The following MYO3B variants were observed in gnomAD, a reference collection of about 807,000 sequenced individuals.
The protein encoded by MYO3B is myosin IIIB.
Under a neutral mutation model 174.6 loss-of-function variants are expected in MYO3B, and 156 were observed. The ratio of observed to expected loss-of-function variants is 0.89; its 90% CI spans 0.78 to 1.02. The LOEUF (loss-of-function observed/expected upper bound fraction) is 1.02, where lower values mean the gene tolerates loss of function less well. Among genes scored for constraint, MYO3B ranks in the 50% least tolerant of loss-of-function variants. The pLI is 0.00. For missense variants in MYO3B, 1,632 were observed against 1,639.4 expected, an observed-to-expected ratio of 1.00 and a Z score of 0.08; for synonymous variants, 563 against 569.1, an observed-to-expected ratio of 0.99 and a Z score of 0.15.
At chr2:170,316,547 A>C (rs2093777032) in intron 7 of MYO3B, among the ~76,000 whole-genome samples, 1 of 152,226 alleles carries the variant, frequency 6.6e-6, no homozygotes, top group African/African-American at 2.4e-5. Flanking sequence ...GGAGGATGCC[A>C]TGCCACCTAT....
chr2:170,299,585 G>A (rs2093652440), intron 7 of MYO3B, among the ~76,000 whole-genome samples: 1 of 152,164 alleles, frequency 6.6e-6, no homozygotes, highest in South Asian at 2.1e-4. Flanking sequence ...GCCTGGTAGA[G>A]TATTATTAAT....
chr2:170,250,076 G>A (rs984069308), intron 7 of MYO3B, among the ~76,000 whole-genome samples: 1 of 152,172 alleles, frequency 6.6e-6, no homozygotes, highest in Non-Finnish European at 1.5e-5. Context: ...ACTATTGGAA[G>A]TATGGATTTA....
At chr2:170,613,542 A>G (rs1258706735) in intron 32 of MYO3B, among the ~76,000 whole-genome samples, 1 of 151,736 alleles carries the variant, frequency 6.6e-6, no homozygotes, top group Non-Finnish European at 1.5e-5. Flanking sequence ...GGCCTATAAC[A>G]CTCTCCCAAG....
chr2:170,288,079 A>C (rs868405236), intron 7 of MYO3B, among the ~76,000 whole-genome samples: 2 of 152,028 alleles, frequency 1.3e-5, no homozygotes, highest in Non-Finnish European at 1.5e-5. Context: ...CCATTTGTCT[A>C]TGTGTCCATT....
chr2:170,426,626 C>A (rs1445773975), intron 22 of MYO3B, among the ~76,000 whole-genome samples: 1 of 151,970 alleles, frequency 6.6e-6, no homozygotes, highest in Non-Finnish European at 1.5e-5. Flanking sequence ...GTAACTTTTT[C>A]TTTTCTTTAT....
chr2:170,432,150 A>AT (rs530740935), intron 22 of MYO3B, among the ~76,000 whole-genome samples: 10 of 151,350 alleles, frequency 6.6e-5, no homozygotes, highest in Non-Finnish European at 1.3e-4. Flanking sequence ...ACTCCTACTT[A>AT]TTTTTTTTTA....
intron 25 of MYO3B, among the ~76,000 whole-genome samples, chr2:170,492,066 A>T (rs554435176): frequency 1.1e-4 from 16 of 152,218 alleles, no homozygotes; most frequent in Non-Finnish European, 2.2e-4. Context: ...AAAAAAAAAA[A>T]AAAGATTTGT....
chr2:170,636,836 G>T (rs1697525385), intron 32 of MYO3B, among the ~76,000 whole-genome samples: 2 of 152,020 alleles, frequency 1.3e-5, no homozygotes, highest in South Asian at 4.2e-4. Context: ...CAGGGGTCAA[G>T]AGCTGAGGAC....
At chr2:170,398,154 C>T (rs779948433) in intron 16 of MYO3B, among the ~76,000 whole-genome samples, 3 of 135,548 alleles carry the variant, frequency 2.2e-5, no homozygotes, top group Admixed American at 8.3e-5. Flanking sequence ...ACCTGGGTGG[C>T]GGAGGTTTTA....
In MYO3B at chr2:170,384,441, G is replaced by T. The variant is rs2094358488; in HGVS notation, c.1290+627G>T. Among the ~76,000 whole-genome samples, 4 of 151,874 alleles carry T rather than the reference G, an allele frequency of 2.6e-5. No homozygotes were observed. The South Asian group carries it at 8.3e-4, about 32-fold the overall frequency. ...ATATTTTTCTTTGTTTCTTTATTCTGTTTGAAATAGAAGTAGTCTAATTTG... is the reference window on the plus strand; with the variant it reads ...ATATTTTTCTTTGTTTCTTTATTCTTTTTGAAATAGAAGTAGTCTAATTTG... On this transcript the variant is annotated intron_variant, in intron 12 of 34. Coordinates refer to ENST00000408978, the MANE Select transcript of MYO3B (RefSeq NM_138995.5).
In MYO3B at chr2:170,476,109, G is replaced by A. The variant is rs970324015; in HGVS notation, c.3014+9398G>A. Among the ~76,000 whole-genome samples, 17 of 152,128 alleles carry A rather than the reference G, an allele frequency of 1.1e-4. No homozygotes were observed. In the East Asian group the frequency reaches 1.2e-3, roughly 10 times the overall value. On this transcript the variant is annotated intron_variant, in intron 25 of 34. Transcript: ENST00000408978. Reference sequence around the variant, plus strand: ...AGGACATGCGACAAGGGTGTGGCTCGTCTGTTTGGTCACCACCACTGCTGA... The same window carrying A: ...AGGACATGCGACAAGGGTGTGGCTCATCTGTTTGGTCACCACCACTGCTGA...
Position 170,407,702 on chromosome 2 carries a change from A to G in MYO3B, c.2521-13A>G, listed in dbSNP as rs1225867435. On this transcript the variant is annotated splice_polypyrimidine_tract_variant and intron_variant, in intron 21 of 34. Transcript: ENST00000408978. ...TGACTTGGCTAATTTGCCGTTTGCT[A>G]TTCATGTTACAGGTATTATATGATG... is the stretch of plus-strand genomic sequence containing the variant. 1.2e-6 allele frequency: 2 copies of G among 1,613,366 alleles called. No individual in the cohort carries two copies. The highest frequency in any genetic ancestry group is 1.7e-6 in the Non-Finnish European group (2 of 1,179,602).
chr2:170,437,578 T>A (rs569037393), intron 22 of MYO3B, among the ~76,000 whole-genome samples: 1 of 152,332 alleles, frequency 6.6e-6, no homozygotes, highest in South Asian at 2.1e-4. Flanking sequence ...TACCATTAGA[T>A]GATACTTTTT....
At chr2:170,453,375 T>C (rs1683709720) in intron 23 of MYO3B, among the ~76,000 whole-genome samples, 1 of 148,736 alleles carries the variant, frequency 6.7e-6, no homozygotes, top group Non-Finnish European at 1.5e-5. Context: ...TAATCATACC[T>C]TTGCAGAAGA....
In MYO3B at chr2:170,391,509, T is replaced by A. The variant is rs540961220; in HGVS notation, c.1578-11T>A. On this transcript the variant is annotated splice_polypyrimidine_tract_variant and intron_variant, in intron 14 of 34. Coordinates refer to ENST00000408978, the MANE Select transcript of MYO3B (RefSeq NM_138995.5). The stretch of plus-strand genomic sequence containing the variant: ...AGAATATATTATTACTAAAGTCTCT[T>A]TTTTTTTCAGGAGAGAGAAAAATTT... 282 of 1,330,056 alleles carry A rather than the reference T, an allele frequency of 2.1e-4. No homozygotes were observed. The highest frequency in any genetic ancestry group is 6.1e-4 in the Admixed American group (24 of 39,542). 82.4% of individuals were successfully genotyped at this position (1,330,056 alleles called of 1,614,324 possible). A position where few individuals can be genotyped will look rare whatever the true frequency, so the allele number is the denominator to read the frequency against.
intron 8 of MYO3B, among the ~76,000 whole-genome samples, chr2:170,352,368 A>C (rs1319099617): frequency 6.6e-6 from 1 of 152,242 alleles, no homozygotes; most frequent in African/African-American, 2.4e-5. Flanking sequence ...ACTATAGAAA[A>C]ACAATGTCTA....
chr2:170,247,709 T>C (rs1210414196), intron 7 of MYO3B, among the ~76,000 whole-genome samples: 42 of 152,208 alleles, frequency 2.8e-4, no homozygotes, highest in Admixed American at 2.7e-3. Flanking sequence ...GGTAGCTTCT[T>C]GCTGTGTCTT....
At chr2:170,581,304 A>G (rs1212174212) in intron 32 of MYO3B, among the ~76,000 whole-genome samples, 1 of 152,238 alleles carries the variant, frequency 6.6e-6, no homozygotes, top group African/African-American at 2.4e-5. Context: ...TTTTTGGTGA[A>G]CTACGTATTC....
At chr2:170,286,589 T>C (rs992735822) in intron 7 of MYO3B, among the ~76,000 whole-genome samples, 1 of 152,156 alleles carries the variant, frequency 6.6e-6, no homozygotes, top group Non-Finnish European at 1.5e-5. Context: ...TTAGGAACAG[T>C]ATGTCAAGTT....
Sources: allele counts gnomAD v4.1 joint callset (sites outside exome capture counted in the v4.1 genomes callset), GRCh38; gene constraint gnomAD v4.1.1; transcripts MANE v1.5; gene names NCBI Gene and HGNC (gene_info 2026-07-23, HGNC 2026-07-21).